The following RIMS2 variants were observed in gnomAD, a reference collection of about 807,000 sequenced individuals.
The protein encoded by RIMS2 is regulating synaptic membrane exocytosis protein 2.
RIMS2 carries 59 observed loss-of-function variants against 174.4 expected under a neutral mutation model. That is an observed-to-expected ratio of 0.34 (90% confidence interval 0.27 to 0.42). RIMS2 has a LOEUF of 0.42. Among genes scored for constraint, RIMS2 ranks in the 10% least tolerant of loss-of-function variants. RIMS2 has a pLI of 1.00. For synonymous variants in RIMS2, 606 were observed against 572.5 expected (o/e 1.06, Z -0.84); for missense variants, 1,620 against 1,666.3 (o/e 0.97, Z 0.48).
At chr8:103,979,451 A>G (rs927781038) in intron 16 of RIMS2, among the ~76,000 whole-genome samples, 3 of 152,216 alleles carry the variant, frequency 2.0e-5, no homozygotes, top group Non-Finnish European at 4.4e-5. Context: ...GAACTACCAT[A>G]TGATTCAGCA....
intron 6 of RIMS2, among the ~76,000 whole-genome samples, chr8:103,913,219 C>T (rs905573369): frequency 6.6e-6 from 1 of 151,176 alleles, no homozygotes; most frequent in Non-Finnish European, 1.5e-5. Flanking sequence ...ACCTTGTGAT[C>T]CGCCCACCAT....
At chr8:103,913,803 C>T (rs2076174878) in intron 6 of RIMS2, among the ~76,000 whole-genome samples, 1 of 152,042 alleles carries the variant, frequency 6.6e-6, no homozygotes, top group South Asian at 2.1e-4. Flanking sequence ...CCAGATCTTG[C>T]AAGAACTCAC....
At chr8:103,995,649 G>T (rs1232297957) in intron 17 of RIMS2, among the ~76,000 whole-genome samples, 1 of 152,008 alleles carries the variant, frequency 6.6e-6, no homozygotes, top group African/African-American at 2.4e-5. Context: ...AGAACTTTTA[G>T]GGAATTTATA....
At chr8:104,015,001 T>A (rs2095862314) in intron 19 of RIMS2, among the ~76,000 whole-genome samples, 1 of 152,174 alleles carries the variant, frequency 6.6e-6, no homozygotes, top group Non-Finnish European at 1.5e-5. Flanking sequence ...GGTTAGCTGA[T>A]GCACAATGGT....
intron 3 of RIMS2, among the ~76,000 whole-genome samples, chr8:103,882,561 C>T (rs1055623197): frequency 1.3e-5 from 2 of 151,566 alleles, no homozygotes; most frequent in East Asian, 1.9e-4. Flanking sequence ...TCCCAATTTC[C>T]GATTATAACC....
At chr8:103,558,405 G>A (rs2090923808) in intron 1 of RIMS2, among the ~76,000 whole-genome samples, 2 of 152,048 alleles carry the variant, frequency 1.3e-5, no homozygotes, top group South Asian at 2.1e-4. Context: ...TGTATTTTTT[G>A]TAGAGATGGG....
intron 19 of RIMS2, among the ~76,000 whole-genome samples, chr8:104,142,898 T>A (rs565577573): frequency 6.6e-6 from 1 of 152,328 alleles, no homozygotes; most frequent in Admixed American, 6.5e-5. Flanking sequence ...TTATATACAG[T>A]ACTTGCAATA....
chr8:104,169,877 C>G (rs1333333352), intron 19 of RIMS2, among the ~76,000 whole-genome samples: 1 of 152,014 alleles, frequency 6.6e-6, no homozygotes, highest in Non-Finnish European at 1.5e-5. Context: ...TCATTATTAT[C>G]ATTAATTTCA....
At chr8:103,811,089 G>A (rs2098684179) in intron 3 of RIMS2, among the ~76,000 whole-genome samples, 1 of 152,036 alleles carries the variant, frequency 6.6e-6, no homozygotes, top group Non-Finnish European at 1.5e-5. Context: ...GAAGTTCCAG[G>A]GCTATAAACA....
rs1453565135 is a variant in RIMS2 at position 103,912,254 on chromosome 8, TA to T, written c.1812+83del. 3.4e-5 allele frequency: 35 copies of T among 1,037,678 alleles called. No individual in the cohort carries two copies. The Admixed American group carries it at 4.6e-4, about 14-fold the overall frequency. The allele number at this position is 1,037,678 out of a possible 1,614,324, so 64.3% of individuals were successfully genotyped here. A position where few individuals can be genotyped will look rare whatever the true frequency, so the allele number is the denominator to read the frequency against. ...AGCAAAGGATAACTCTTTCAACCTGTACCAATTTAGTAGTGTATTTTTCCAT... is the reference window on the plus strand; with the variant it reads ...AGCAAAGGATAACTCTTTCAACCTGTCCAATTTAGTAGTGTATTTTTCCAT... On this transcript the variant is annotated intron_variant, in intron 6 of 23. Coordinates refer to ENST00000504942, the Ensembl canonical transcript of RIMS2.
chr8:104,086,768 A>G (rs1451646002), intron 19 of RIMS2, among the ~76,000 whole-genome samples: 2 of 152,124 alleles, frequency 1.3e-5, no homozygotes, highest in African/African-American at 4.8e-5. Flanking sequence ...AGATCTATAG[A>G]ATGGAGAAAA....
chr8:103,885,429 G>A (rs749854815), exon 4 of RIMS2: 6 of 1,611,370 alleles, frequency 3.7e-6, no homozygotes, highest in Admixed American at 1.7e-5. Context: ...GCTGATAGGC[G>A]ATCTCAACAT....
chr8:104,075,833 A>T (rs1335507958), intron 19 of RIMS2, among the ~76,000 whole-genome samples: 1 of 152,256 alleles, frequency 6.6e-6, no homozygotes, highest in African/African-American at 2.4e-5. Context: ...CTTAGTACTC[A>T]ATGATACTGC....
intron 1 of RIMS2, among the ~76,000 whole-genome samples, chr8:103,540,907 A>T (rs1842286920): frequency 6.6e-6 from 1 of 152,130 alleles, no homozygotes; most frequent in African/African-American, 2.4e-5. Flanking sequence ...AGCAGAGTTG[A>T]TCAAGCAGAA....
chr8:104,134,865 G>A (rs190333782), intron 19 of RIMS2, among the ~76,000 whole-genome samples: 40 of 152,224 alleles, frequency 2.6e-4, no homozygotes, highest in Non-Finnish European at 5.3e-4. Flanking sequence ...CATCCTAAAT[G>A]TGTTGTTCTT....
chr8:104,126,519 A>G (rs1455219528), intron 19 of RIMS2, among the ~76,000 whole-genome samples: 1 of 152,210 alleles, frequency 6.6e-6, no homozygotes, highest in Non-Finnish European at 1.5e-5. Context: ...CTCTAGAACC[A>G]GGTTAAATTG....
intron 2 of RIMS2, among the ~76,000 whole-genome samples, chr8:103,707,993 C>G (rs2097254495): frequency 6.6e-6 from 1 of 152,156 alleles, no homozygotes; most frequent in Non-Finnish European, 1.5e-5. Flanking sequence ...GAAAAAGTTT[C>G]CTCTGTTTAC....
chr8:104,001,145 A>G (rs1365241201), intron 17 of RIMS2, among the ~76,000 whole-genome samples: 1 of 151,784 alleles, frequency 6.6e-6, no homozygotes, highest in African/African-American at 2.4e-5. Context: ...TGCTAGATAG[A>G]AGGAATAAAA....
chr8:103,670,104 C>T (rs1022834253), intron 1 of RIMS2, among the ~76,000 whole-genome samples: 65 of 152,246 alleles, frequency 4.3e-4, no homozygotes, highest in African/African-American at 1.5e-3. Context: ...CAATTCTTGA[C>T]TTCTGTACAC....
Sources: allele counts gnomAD v4.1 joint callset (sites outside exome capture counted in the v4.1 genomes callset), GRCh38; gene constraint gnomAD v4.1.1; transcripts MANE v1.5; gene names NCBI Gene and HGNC (gene_info 2026-07-23, HGNC 2026-07-21).